Variants in PLPPR1 observed in about 807,000 individuals in gnomAD.
The protein encoded by PLPPR1 is phospholipid phosphatase related 1.
PLPPR1 carries 10 observed loss-of-function variants against 33.1 expected under a neutral mutation model. The ratio of observed to expected loss-of-function variants is 0.30; its 90% CI spans 0.19 to 0.51. The LOEUF (loss-of-function observed/expected upper bound fraction) is 0.51, where lower values mean the gene tolerates loss of function less well. PLPPR1 is among the 20% of genes least tolerant of loss of function. PLPPR1 has a pLI of 0.97. For missense variants in PLPPR1, 304 were observed against 408.1 expected (o/e 0.74, Z 2.20); for synonymous variants, 151 against 151.0 (o/e 1.00, Z 0.00).
chr9:101,285,787 C>T (rs915542788), intron 3 of PLPPR1, among the ~76,000 whole-genome samples: 2 of 152,172 alleles, frequency 1.3e-5, no homozygotes, highest in Non-Finnish European at 2.9e-5. Flanking sequence ...TTGCTACTCA[C>T]ACAGAAAGTT....
At chr9:101,263,409 A>G (rs1347653538) in intron 2 of PLPPR1, among the ~76,000 whole-genome samples, 1 of 152,176 alleles carries the variant, frequency 6.6e-6, no homozygotes, top group Non-Finnish European at 1.5e-5. Context: ...TTATATCACC[A>G]TATTTATTTC....
At chr9:101,157,725 G>A (rs1377278342) in intron 1 of PLPPR1, among the ~76,000 whole-genome samples, 1 of 152,112 alleles carries the variant, frequency 6.6e-6, no homozygotes, top group Non-Finnish European at 1.5e-5. Context: ...ATAGGGGCCG[G>A]GCATGGTGAC....
chr9:101,200,956 C>T (rs752806928), intron 2 of PLPPR1, among the ~76,000 whole-genome samples: 46 of 152,136 alleles, frequency 3.0e-4, no homozygotes, highest in African/African-American at 1.1e-3. Context: ...AATATATGAG[C>T]CTGAGTAAAT....
At chr9:101,173,115 CTT>C (rs1025565767) in intron 1 of PLPPR1, among the ~76,000 whole-genome samples, 18 of 152,136 alleles carry the variant, frequency 1.2e-4, no homozygotes, top group African/African-American at 4.1e-4. Flanking sequence ...TAAGAGTAAA[CTT>C]TTATTTCATG....
chr9:101,057,118 G>A (rs551201639), intron 1 of PLPPR1, among the ~76,000 whole-genome samples: 10 of 152,190 alleles, frequency 6.6e-5, no homozygotes, highest in South Asian at 4.1e-4. Context: ...TGTAAACCCC[G>A]TATGTCTGGC....
intron 3 of PLPPR1, among the ~76,000 whole-genome samples, chr9:101,272,513 C>T (rs949448516): frequency 1.3e-5 from 2 of 152,118 alleles, no homozygotes; most frequent in Non-Finnish European, 2.9e-5. Flanking sequence ...GATTTGCCTA[C>T]CTAAGAATAA....
intron 2 of PLPPR1, among the ~76,000 whole-genome samples, chr9:101,242,281 C>G (rs1022535673): frequency 6.6e-6 from 1 of 150,658 alleles, no homozygotes; most frequent in African/African-American, 2.4e-5. Context: ...GGAAATCTTG[C>G]CATACCCTTT....
intron 1 of PLPPR1, among the ~76,000 whole-genome samples, chr9:101,072,957 G>A (rs2253922): frequency 0.61 from 92,027 of 151,998 alleles, 27,852 homozygotes; most frequent in East Asian, 0.63. Flanking sequence ...CATGTGTCCA[G>A]ATTTGTGATG....
At chr9:101,105,725 ATCTG>A (rs1247923381) in intron 1 of PLPPR1, among the ~76,000 whole-genome samples, 1 of 31,066 alleles carries the variant, frequency 3.2e-5, no homozygotes, top group Non-Finnish European at 6.1e-5. Flanking sequence ...TGTCTCGTTG[ATCTG>A]TCTAATGTTG....
intron 1 of PLPPR1, among the ~76,000 whole-genome samples, chr9:101,070,022 C>G (rs1977503): frequency 0.039 from 5,920 of 152,134 alleles, 173 homozygotes; most frequent in East Asian, 0.081. Flanking sequence ...TGACTTATAA[C>G]TATTGATGTT....
At chr9:101,298,682 C>T (rs1338684013) in intron 4 of PLPPR1, among the ~76,000 whole-genome samples, 1 of 152,084 alleles carries the variant, frequency 6.6e-6, no homozygotes, top group Non-Finnish European at 1.5e-5. Flanking sequence ...TGAGCACCTA[C>T]TAGATGCTAG....
At chr9:101,290,262 C>T (rs946669114) in intron 4 of PLPPR1, among the ~76,000 whole-genome samples, 4 of 152,140 alleles carry the variant, frequency 2.6e-5, no homozygotes, top group African/African-American at 7.2e-5. Flanking sequence ...ATACATACTA[C>T]GCAATTGACA....
At chr9:101,306,474 G>A (rs1828861131) in intron 4 of PLPPR1, among the ~76,000 whole-genome samples, 1 of 152,178 alleles carries the variant, frequency 6.6e-6, no homozygotes, top group Non-Finnish European at 1.5e-5. Flanking sequence ...CCAGGTTGTA[G>A]CTCTTGATCT....
intron 4 of PLPPR1, among the ~76,000 whole-genome samples, chr9:101,292,564 G>A (rs1828532496): frequency 6.7e-6 from 1 of 150,012 alleles, no homozygotes; most frequent in Non-Finnish European, 1.5e-5. Context: ...ACCCACAAAG[G>A]GAAGCCCATC....
rs940614450 is a variant in PLPPR1, at chr9:101,192,455, T to A, written c.63+6898T>A. ...TCTGCCATTTATTGCTAGTATAAAC[T>A]TGGGGAATTTCTTTGGACCCCAATT... On this transcript the variant is annotated intron_variant, in intron 2 of 7. Transcript: ENST00000374874. Among the ~76,000 whole-genome samples the A allele has an allele frequency of 1.1e-4, 17 of 152,296 alleles. 1 individual carries two copies. Among genetic ancestry groups the A allele is most frequent in the Middle Eastern group, 6.8e-3 (2 of 294 alleles).
intron 4 of PLPPR1, among the ~76,000 whole-genome samples, chr9:101,297,394 A>G (rs1828667451): frequency 6.6e-6 from 1 of 152,146 alleles, no homozygotes; most frequent in Non-Finnish European, 1.5e-5. Flanking sequence ...CACCCCACAG[A>G]TCCAAATTAA....
chr9:101,298,026 T>G (rs1180955380), intron 4 of PLPPR1, among the ~76,000 whole-genome samples: 1 of 152,232 alleles, frequency 6.6e-6, no homozygotes, highest in African/African-American at 2.4e-5. Context: ...CAGTAACTTT[T>G]TAATACTGAA....
intron 1 of PLPPR1, among the ~76,000 whole-genome samples, chr9:101,176,799 C>G (rs1826025556): frequency 6.6e-6 from 1 of 152,130 alleles, no homozygotes; most frequent in Non-Finnish European, 1.5e-5. Context: ...TTATAATATC[C>G]TAAGGTTTTA....
intron 3 of PLPPR1, among the ~76,000 whole-genome samples, chr9:101,273,840 T>G (rs187369947): frequency 2.8e-3 from 424 of 152,314 alleles, no homozygotes; most frequent in African/African-American, 9.6e-3. Context: ...CTTTTGGCAA[T>G]AATTACAAAA....
Sources: gnomAD v4.1 joint callset for allele counts (sites outside exome capture counted in the v4.1 genomes callset) on GRCh38, gnomAD v4.1.1 for gene constraint, MANE v1.5 for transcripts, NCBI Gene and HGNC (gene_info 2026-07-23, HGNC 2026-07-21) for gene names.